The following VAX2 variants were observed in gnomAD, a reference collection of about 807,000 sequenced individuals.
The protein encoded by VAX2 is ventral anterior homeobox 2.
A neutral mutation model predicts 12.5 loss-of-function variants in VAX2; 8 were observed. The ratio of observed to expected loss-of-function variants is 0.64; its 90% CI spans 0.37 to 1.15. VAX2 has a LOEUF of 1.15. Ranked by LOEUF, VAX2 falls within the 50% of genes most tolerant of loss-of-function variation. The pLI is 0.01. For missense variants in VAX2, 476 were observed against 412.9 expected (o/e 1.15, Z -1.32); for synonymous variants, 183 against 187.6 (o/e 0.98, Z 0.20).
At chr2:70,912,860 C>A (rs782133497) in intron 1 of VAX2, among the ~76,000 whole-genome samples, 3 of 152,024 alleles carry the variant, frequency 2.0e-5, no homozygotes, top group Non-Finnish European at 2.9e-5. Flanking sequence ...GGCTCTTGGG[C>A]AGAATTCACC....
chr2:70,915,753 T>C (rs1229243008), intron 1 of VAX2, among the ~76,000 whole-genome samples: 1 of 152,168 alleles, frequency 6.6e-6, no homozygotes, highest in African/African-American at 2.4e-5. Context: ...ACGTGACTTA[T>C]TGACTAAATC....
intron 1 of VAX2, among the ~76,000 whole-genome samples, chr2:70,901,915 G>C (rs928018725): frequency 2.6e-5 from 4 of 152,168 alleles, no homozygotes; most frequent in African/African-American, 9.7e-5. Flanking sequence ...CTCCTTCCTG[G>C]GCTCCCTCCT....
chr2:70,923,153 A>C (rs1679497018), intron 2 of VAX2, among the ~76,000 whole-genome samples: 2 of 152,162 alleles, frequency 1.3e-5, no homozygotes, highest in Admixed American at 1.3e-4. Flanking sequence ...GGAGCCCAGA[A>C]CACAGCTGGA....
chr2:70,912,593 C>T (rs1053588617), intron 1 of VAX2, among the ~76,000 whole-genome samples: 2 of 152,098 alleles, frequency 1.3e-5, no homozygotes, highest in Non-Finnish European at 2.9e-5. Flanking sequence ...ACCCGGGAGG[C>T]GGAGGTTGCA....
In VAX2 at chr2:70,932,811, C is replaced by G. The variant is rs201302985; in HGVS notation, c.480C>G (p.Asp160Glu). ...ACCGCCGCACCAAGCAGAAGAAAGA[C>G]CAGAGCAGAGACCTGGAGAAGCGGG... ...FQNRRTKQKK[D>E]QSRDLEKRAS... is the part of the protein sequence containing the mutation. Residue 160 changes from aspartate (D) to glutamate (E), a missense_variant, in exon 3 of 3, where the codon GAC becomes GAG. Transcript: ENST00000234392. The G allele has an allele frequency of 2.5e-6, 4 of 1,606,816 alleles. No individual in the cohort carries two copies. Among genetic ancestry groups the G allele is most frequent in the Non-Finnish European group, 3.4e-6 (4 of 1,176,462 alleles).
intron 2 of VAX2, 129 bp from the exon 3 acceptor site, chr2:70,932,638 C>CA: frequency 6.7e-6 from 1 of 148,442 alleles, no homozygotes. Context: ...CACCCTCACA[C>CA]CCCACCCCCA....
intron 1 of VAX2, among the ~76,000 whole-genome samples, chr2:70,901,392 G>A (rs1297835426): frequency 6.6e-6 from 1 of 152,232 alleles, no homozygotes; most frequent in East Asian, 1.9e-4. Flanking sequence ...GAGACGGCGC[G>A]GGACGCGGAG....
At chr2:70,922,932 G>GC (rs1350288714) in intron 2 of VAX2, among the ~76,000 whole-genome samples, 2 of 152,138 alleles carry the variant, frequency 1.3e-5, no homozygotes, top group African/African-American at 4.8e-5. Flanking sequence ...TCAAGCCCAA[G>GC]CCCCCCTCTT....
intron 1 of VAX2, among the ~76,000 whole-genome samples, chr2:70,901,382 G>A (rs978285809): frequency 6.6e-6 from 1 of 152,244 alleles, no homozygotes; most frequent in Non-Finnish European, 1.5e-5. Context: ...TTGCCCAGGG[G>A]AGACGGCGCG....
chr2:70,928,031 C>T (rs1474587107), intron 2 of VAX2, among the ~76,000 whole-genome samples: 1 of 152,196 alleles, frequency 6.6e-6, no homozygotes, highest in East Asian at 1.9e-4. Context: ...GGACCGATCA[C>T]TTTGGATTTA....
At chr2:70,926,281 G>C (rs1679569813) in intron 2 of VAX2, among the ~76,000 whole-genome samples, 1 of 152,126 alleles carries the variant, frequency 6.6e-6, no homozygotes, top group Non-Finnish European at 1.5e-5. Flanking sequence ...CTCCATGGCT[G>C]TGCAACAGAG....
At position 70,900,600 on chromosome 2, in the gene VAX2, G is replaced by C. The variant is rs1678893169; in HGVS notation, c.-22G>C. 8.0e-7 allele frequency: 1 copy of C among 1,253,424 alleles called. No homozygotes were observed. The highest frequency in any genetic ancestry group is 1.0e-6 in the Non-Finnish European group (1 of 999,254). 77.6% of individuals were successfully genotyped at this position (1,253,424 alleles called of 1,614,324 possible). The stretch of plus-strand genomic sequence containing the variant: ...CAGCGTAGGCTGGCTCCGCCGTAGA[G>C]GGGTTGGCAGTGGCGGTCAGCATGG... On this transcript the variant is annotated 5_prime_UTR_variant, in exon 1 of 3. Transcript: ENST00000234392.
intron 1 of VAX2, among the ~76,000 whole-genome samples, chr2:70,919,718 G>A (rs1679405127): frequency 6.6e-6 from 1 of 152,068 alleles, no homozygotes; most frequent in Non-Finnish European, 1.5e-5. Flanking sequence ...AGGGCGTGGT[G>A]GTGTGCTCCT....
At chr2:70,912,114 G>T (rs1440534500) in intron 1 of VAX2, among the ~76,000 whole-genome samples, 2 of 152,026 alleles carry the variant, frequency 1.3e-5, no homozygotes, top group African/African-American at 4.8e-5. Flanking sequence ...CAACATACCA[G>T]ATCCACATAG....
At chr2:70,910,278 T>C (rs1010410281) in intron 1 of VAX2, among the ~76,000 whole-genome samples, 5 of 152,168 alleles carry the variant, frequency 3.3e-5, no homozygotes, top group Admixed American at 2.6e-4. Flanking sequence ...TCTCCCTAAT[T>C]TTGTAAATAT....
chr2:70,906,728 C>A (rs782364643), intron 1 of VAX2, among the ~76,000 whole-genome samples: 1 of 152,048 alleles, frequency 6.6e-6, no homozygotes, highest in Non-Finnish European at 1.5e-5. Context: ...TTAATGCGTA[C>A]TCACTGTGTG....
intron 2 of VAX2, among the ~76,000 whole-genome samples, chr2:70,928,116 G>T (rs1679613299): frequency 6.6e-6 from 1 of 152,256 alleles, no homozygotes. Context: ...AGAGGGCTCT[G>T]AGCCTGTCTG....
intron 2 of VAX2, chr2:70,924,146 G>A (rs1679519084): frequency 6.6e-6 from 1 of 151,962 alleles, no homozygotes; most frequent in Non-Finnish European, 1.5e-5. Context: ...GGATGACAGA[G>A]CAAGACTCTA....
intron 1 of VAX2, among the ~76,000 whole-genome samples, chr2:70,918,301 G>A (rs369725042): frequency 3.0e-4 from 46 of 152,308 alleles, no homozygotes; most frequent in African/African-American, 1.1e-3. Context: ...TCTTGAGCCA[G>A]GAGCCAGAGC....
Sources: gnomAD v4.1 joint callset for allele counts (sites outside exome capture counted in the v4.1 genomes callset) on GRCh38, gnomAD v4.1.1 for gene constraint, MANE v1.5 for transcripts, NCBI Gene and HGNC (gene_info 2026-07-23, HGNC 2026-07-21) for gene names.